ABCB11: variants seen among roughly 807,000 people sequenced by gnomAD.
ABCB11 encodes bile salt export pump.
In ABCB11, 95 loss-of-function variants were observed where a neutral mutation model predicts 148.0. That is an observed-to-expected ratio of 0.64 (90% CI 0.54 to 0.76). The LOEUF (loss-of-function observed/expected upper bound fraction) is 0.76, where lower values mean the gene tolerates loss of function less well. ABCB11 is among the 30% of genes least tolerant of loss of function. The probability of loss-of-function intolerance (pLI) is 0.00; values close to 1 mark genes in which losing one functional copy is unlikely to be tolerated. For missense variants in ABCB11, 1,523 were observed against 1,617.8 expected, an observed-to-expected ratio of 0.94 and a Z score of 1.01; for synonymous variants, 591 against 555.4, an observed-to-expected ratio of 1.06 and a Z score of -0.90.
intron 18 of ABCB11, among the ~76,000 whole-genome samples, chr2:168,958,372 C>G (rs934583404): frequency 2.6e-5 from 4 of 151,510 alleles, no homozygotes; most frequent in Admixed American, 6.6e-5. Context: ...GTTCTTATTT[C>G]ATGATTACAT....
intron 25 of ABCB11, among the ~76,000 whole-genome samples, chr2:168,929,328 G>A (rs1691461837): frequency 6.6e-6 from 1 of 152,086 alleles, no homozygotes. Context: ...CGTTGCGAGT[G>A]ACAGAAATGA....
chr2:168,958,203 C>T (rs1481071413), intron 18 of ABCB11, 75 bp from the exon 19 acceptor site: 1 of 1,426,532 alleles, frequency 7.0e-7, no homozygotes, highest in Non-Finnish European at 9.7e-7. Context: ...TTGGCATTCA[C>T]AGATTTAAGA....
At chr2:168,941,345 G>A (rs909296209) in intron 21 of ABCB11, among the ~76,000 whole-genome samples, 9 of 151,932 alleles carry the variant, frequency 5.9e-5, no homozygotes, top group Non-Finnish European at 1.0e-4. Flanking sequence ...TGATTCATGG[G>A]AGGAGGTCAG....
Position 168,986,234 on chromosome 2 carries a change from A to G in ABCB11, c.959T>C (p.Ile320Thr). Residue 320 changes from isoleucine to threonine, a missense_variant, in exon 10 of 28, where the codon ATA (isoleucine) becomes ACA (threonine). Ile to Thr is a moderately conservative substitution (Grantham distance 89). Transcript: ENST00000650372. ...FAQRWGIRKG[I>T]VMGFFTGFVW... is the part of the protein sequence containing the mutation. ...GAATCCAGTAAAGAATCCCATCACTATTCCTTTTCTAATTCCCCAACGCTG... is the reference window on the plus strand; with the variant it reads ...GAATCCAGTAAAGAATCCCATCACTGTTCCTTTTCTAATTCCCCAACGCTG... The G allele has an allele frequency of 6.2e-7, 1 of 1,613,386 alleles. No homozygotes were observed. Among genetic ancestry groups the G allele is most frequent in the Non-Finnish European group, 8.5e-7 (1 of 1,179,612 alleles).
Position 169,015,117 on chromosome 2 carries a change from AC to A in ABCB11, c.99-764del, listed in dbSNP as rs558354628. On this transcript the variant is annotated intron_variant, in intron 3 of 27. Transcript: ENST00000650372. ...ATCCTTCATTTCCTTCCATTGCTAA[AC>A]CCCATTAAGATTTTGCTTCCTTCCC... Among the ~76,000 whole-genome samples, 6 of 151,914 alleles carry A rather than the reference AC, an allele frequency of 3.9e-5. No homozygotes were observed. The South Asian group carries it at 1.2e-3, about 32-fold the overall frequency.
At chr2:168,931,531 C>T (rs1474567992) in intron 24 of ABCB11, among the ~76,000 whole-genome samples, 4 of 152,120 alleles carry the variant, frequency 2.6e-5, no homozygotes, top group Non-Finnish European at 5.9e-5. Context: ...ACCTATCTAT[C>T]AATTAGAAGA....
At position 169,003,319 on chromosome 2, in the gene ABCB11, G is replaced by GGTGTGTGTGTGTGT. The variant is rs751149363; in HGVS notation, c.390-6598_390-6597insACACACACACACAC. Among the ~76,000 whole-genome samples, 150 of 140,110 alleles carry GGTGTGTGTGTGTGT rather than the reference G, an allele frequency of 1.1e-3. No homozygotes were observed. In the East Asian group the frequency reaches 0.021, roughly 20 times the overall value. The allele number at this position is 140,110 out of a possible 152,430, so 91.9% of individuals were successfully genotyped here. ...TTTTTATGGCTGAGTAGTATTCCAT[G>GGTGTGTGTGTGTGT]GTGCGTGTGTGTGTGTGTGTGTGTG... On this transcript the variant is annotated intron_variant, in intron 5 of 27. Transcript: ENST00000650372.
At chr2:168,969,968 CACA>C in intron 15 of ABCB11, 74 bp downstream of exon 15, 2 of 1,310,900 alleles carry the variant, frequency 1.5e-6, no homozygotes, top group Non-Finnish European at 2.2e-6. Context: ...CCTCCCACCC[CACA>C]AGGAGCTGCC....
rs373922550 is a variant in ABCB11 at position 169,028,713 on chromosome 2, TAAA to T, written c.-28+2509_-28+2511del. On this transcript the variant is annotated intron_variant, in intron 1 of 27. Coordinates refer to ENST00000650372, the MANE Select transcript of ABCB11 (RefSeq NM_003742.4). ...GAAAGGATATGATCAAATTTATACT[TAAA>T]AAAAGTTACCCTGATAAGGCTTGGG... Among the ~76,000 whole-genome samples, 1,073 of 152,028 alleles carry T rather than the reference TAAA, an allele frequency of 7.1e-3. 15 individuals carry two copies. Among genetic ancestry groups the T allele is most frequent in the African/African-American group, 0.025 (1,040 of 41,448 alleles).
At chr2:168,928,387 A>T (rs116536766) in intron 25 of ABCB11, among the ~76,000 whole-genome samples, 3 of 152,292 alleles carry the variant, frequency 2.0e-5, no homozygotes, top group Non-Finnish European at 4.4e-5. Context: ...ATGCAGTAAC[A>T]GGCACATCAT....
intron 1 of ABCB11, among the ~76,000 whole-genome samples, chr2:169,020,506 A>G (rs981632336): frequency 1.3e-5 from 2 of 152,202 alleles, no homozygotes; most frequent in Non-Finnish European, 2.9e-5. Context: ...ACATAAATGA[A>G]TATTATTGAA....
intron 5 of ABCB11, among the ~76,000 whole-genome samples, chr2:169,009,168 A>C (rs1456193290): frequency 6.6e-6 from 1 of 152,174 alleles, no homozygotes; most frequent in African/African-American, 2.4e-5. Flanking sequence ...TTCTTTTTCT[A>C]GTAATGAAAA....
intron 1 of ABCB11, among the ~76,000 whole-genome samples, chr2:169,030,355 A>G (rs1227785900): frequency 6.6e-6 from 1 of 152,108 alleles, no homozygotes; most frequent in Non-Finnish European, 1.5e-5. Context: ...GGGGGAACCA[A>G]GGTGAGGGGG....
chr2:168,938,944 C>T (rs1467926235), intron 21 of ABCB11, among the ~76,000 whole-genome samples: 1 of 151,892 alleles, frequency 6.6e-6, no homozygotes, highest in Non-Finnish European at 1.5e-5. Context: ...TCATACTCTA[C>T]ATATTACTTT....
rs1400389889 is a variant in ABCB11, at chr2:168,995,415, A to G, written c.545T>C (p.Ile182Thr). ...QKMRKFYFRR[I>T]MRMEIGWFDC... ...AAACCACCCTATTTCCATTCTCATT[A>G]TTCTCCTAAAGTAAAATTTTCTCAT... The change falls in exon 7 of 28, where the codon ATA becomes ACA. Residue 182 changes from isoleucine (I) to threonine (T), a missense_variant. Ile to Thr is a moderately conservative substitution (Grantham distance 89). Coordinates refer to ENST00000650372, the MANE Select transcript of ABCB11 (RefSeq NM_003742.4). 1.9e-6 allele frequency: 3 copies of G among 1,612,298 alleles called. No individual in the cohort carries two copies. In the African/African-American group the frequency reaches 4.0e-5, roughly 22 times the overall value.
intron 17 of ABCB11, 75 bp from the exon 18 acceptor site, chr2:168,964,383 A>G: frequency 1.8e-6 from 2 of 1,138,830 alleles, no homozygotes; most frequent in South Asian, 1.4e-5. Flanking sequence ...GTCCAAGTTT[A>G]CATTTCATAT....
At chr2:168,938,437 A>G (rs1691922563) in intron 21 of ABCB11, among the ~76,000 whole-genome samples, 1 of 152,228 alleles carries the variant, frequency 6.6e-6, no homozygotes, top group South Asian at 2.1e-4. Flanking sequence ...ATAAATTCAT[A>G]TGATTCCACT....
intron 5 of ABCB11, among the ~76,000 whole-genome samples, chr2:168,997,035 C>T (rs1694739699): frequency 6.6e-6 from 1 of 151,876 alleles, no homozygotes; most frequent in Non-Finnish European, 1.5e-5. Flanking sequence ...TTGTTGGAAG[C>T]CAGGGTACCC....
chr2:168,947,363 C>T (rs368004825), intron 19 of ABCB11, among the ~76,000 whole-genome samples: 11 of 151,066 alleles, frequency 7.3e-5, no homozygotes, highest in African/African-American at 2.7e-4. Context: ...TTTTTTTCCC[C>T]AGCATGCTAC....
Sources: allele counts gnomAD v4.1 joint callset (sites outside exome capture counted in the v4.1 genomes callset), GRCh38; gene constraint gnomAD v4.1.1; transcripts MANE v1.5; gene names NCBI Gene and HGNC (gene_info 2026-07-23, HGNC 2026-07-21).